Variants in EPHA6 observed in about 807,000 individuals in gnomAD.
The protein encoded by EPHA6 is EPH receptor A6, also known as ephrin type-A receptor 6.
A neutral mutation model predicts 112.0 loss-of-function variants in EPHA6; 50 were observed. That is an observed-to-expected ratio of 0.45 (90% CI 0.36 to 0.56). The LOEUF is 0.56. EPHA6 is among the 20% of genes least tolerant of loss of function. The pLI, the probability that EPHA6 is intolerant of heterozygous loss-of-function variation, is 0.00. For synonymous variants in EPHA6, 529 were observed against 490.7 expected, an observed-to-expected ratio of 1.08 and a Z score of -1.03; for missense variants, 1,280 against 1,417.4, an observed-to-expected ratio of 0.90 and a Z score of 1.56.
chr3:97,535,167 CAGT>C (rs2092746285), intron 11 of EPHA6, among the ~76,000 whole-genome samples: 1 of 151,912 alleles, frequency 6.6e-6, no homozygotes, highest in Non-Finnish European at 1.5e-5. Context: ...ACTTGCCTGC[CAGT>C]TTGAAATAGT....
intron 2 of EPHA6, among the ~76,000 whole-genome samples, chr3:96,880,802 C>A (rs986049884): frequency 6.6e-6 from 1 of 152,014 alleles, no homozygotes; most frequent in African/African-American, 2.4e-5. Flanking sequence ...CTTTTTGTGT[C>A]TGGCTTCTTT....
At chr3:97,241,092 A>C in intron 4 of EPHA6, among the ~76,000 whole-genome samples, 1 of 151,810 alleles carries the variant, frequency 6.6e-6, no homozygotes, top group South Asian at 2.1e-4. Flanking sequence ...GTATCTCGTA[A>C]GTTTTACTGG....
At chr3:97,174,673 C>T (rs2076787650) in intron 3 of EPHA6, among the ~76,000 whole-genome samples, 1 of 151,734 alleles carries the variant, frequency 6.6e-6, no homozygotes, top group Non-Finnish European at 1.5e-5. Flanking sequence ...AGTGTCTATA[C>T]CTGTTTGCCA....
At chr3:97,079,422 G>A (rs1459673256) in intron 3 of EPHA6, among the ~76,000 whole-genome samples, 1 of 151,992 alleles carries the variant, frequency 6.6e-6, no homozygotes, top group African/African-American at 2.4e-5. Flanking sequence ...CACATTGAGG[G>A]GAACAAAACA....
intron 14 of EPHA6, among the ~76,000 whole-genome samples, chr3:97,687,590 G>T (rs2032348779): frequency 6.6e-6 from 1 of 152,100 alleles, no homozygotes; most frequent in Non-Finnish European, 1.5e-5. Context: ...TTTCCTTTCT[G>T]GGCATGAAGT....
chr3:97,315,528 G>A (rs2081783636), intron 5 of EPHA6, among the ~76,000 whole-genome samples: 1 of 151,682 alleles, frequency 6.6e-6, no homozygotes, highest in Non-Finnish European at 1.5e-5. Flanking sequence ...TGATAGACAA[G>A]GGGAAGAAGT....
At chr3:97,287,438 G>A (rs1374318213) in intron 5 of EPHA6, among the ~76,000 whole-genome samples, 1 of 151,372 alleles carries the variant, frequency 6.6e-6, no homozygotes, top group Non-Finnish European at 1.5e-5. Flanking sequence ...GCACTCCAGC[G>A]TGGGCAGCAG....
chr3:96,922,368 A>G (rs1278559969), intron 2 of EPHA6, among the ~76,000 whole-genome samples: 1 of 152,202 alleles, frequency 6.6e-6, no homozygotes, highest in Non-Finnish European at 1.5e-5. Flanking sequence ...ATTGAGGGAA[A>G]GAACTGTTCA....
intron 3 of EPHA6, among the ~76,000 whole-genome samples, chr3:97,133,889 A>C (rs1302357682): frequency 1.3e-5 from 2 of 152,164 alleles, no homozygotes; most frequent in East Asian, 3.9e-4. Flanking sequence ...TAAGTTTATC[A>C]ACATAATTCA....
intron 2 of EPHA6, among the ~76,000 whole-genome samples, chr3:96,869,290 G>T (rs1281711815): frequency 6.6e-6 from 1 of 151,216 alleles, no homozygotes; most frequent in Non-Finnish European, 1.5e-5. Context: ...GTTGTTCTGA[G>T]TAATGTTTTG....
At chr3:97,520,334 G>C (rs1282021532) in intron 10 of EPHA6, among the ~76,000 whole-genome samples, 1 of 151,976 alleles carries the variant, frequency 6.6e-6, no homozygotes, top group Non-Finnish European at 1.5e-5. Flanking sequence ...TTTTTCTGAT[G>C]GTAGATATCA....
chr3:97,657,733 G>C (rs144583739), intron 14 of EPHA6, among the ~76,000 whole-genome samples: 1 of 151,732 alleles, frequency 6.6e-6, no homozygotes, highest in Non-Finnish European at 1.5e-5. Flanking sequence ...AGTCACCAGA[G>C]ACACTTATTG....
chr3:97,702,786 A>T (rs1386760094), intron 14 of EPHA6, among the ~76,000 whole-genome samples: 1 of 152,066 alleles, frequency 6.6e-6, no homozygotes, highest in Non-Finnish European at 1.5e-5. Flanking sequence ...TACAGGTTAG[A>T]TTGTAAACTC....
At chr3:97,628,781 G>T (rs907970456) in intron 13 of EPHA6, among the ~76,000 whole-genome samples, 1 of 151,904 alleles carries the variant, frequency 6.6e-6, no homozygotes, top group African/African-American at 2.4e-5. Context: ...TATTAATAAT[G>T]AGAGCTGTAT....
chr3:97,645,810 T>C lies in EPHA6; in HGVS notation c.2784+7728T>C, dbSNP rs142704395. Among the ~76,000 whole-genome samples the C allele has an allele frequency of 5.0e-3, 765 of 152,288 alleles. 6 individuals carry two copies. Among genetic ancestry groups the C allele is most frequent in the African/African-American group, 0.017 (710 of 41,572 alleles). On this transcript the variant is annotated intron_variant, in intron 14 of 17. Transcript: ENST00000389672. Reference sequence around the variant, plus strand: ...CTATATATAACTTTCTTTGAACGTATATTTTACCTCAGATGATTTTGACTT... The same window carrying C: ...CTATATATAACTTTCTTTGAACGTACATTTTACCTCAGATGATTTTGACTT...
At chr3:96,977,315 T>C (rs1293190777) in intron 2 of EPHA6, among the ~76,000 whole-genome samples, 1 of 152,138 alleles carries the variant, frequency 6.6e-6, no homozygotes, top group Admixed American at 6.6e-5. Context: ...AGCTAAATAA[T>C]GTGCACACAT....
intron 1 of EPHA6, among the ~76,000 whole-genome samples, chr3:96,863,802 G>A (rs1227921734): frequency 1.3e-5 from 2 of 151,914 alleles, no homozygotes; most frequent in Non-Finnish European, 2.9e-5. Flanking sequence ...CTTATAAAAA[G>A]GAAATAGCTG....
chr3:96,837,651 T>C (rs753031538), intron 1 of EPHA6, among the ~76,000 whole-genome samples: 3 of 152,156 alleles, frequency 2.0e-5, no homozygotes, highest in Non-Finnish European at 4.4e-5. Flanking sequence ...ACGATGTCTT[T>C]AATACCTTTA....
At chr3:97,474,056 T>G (rs1481753530) in intron 7 of EPHA6, among the ~76,000 whole-genome samples, 1 of 151,862 alleles carries the variant, frequency 6.6e-6, no homozygotes, top group Non-Finnish European at 1.5e-5. Flanking sequence ...GGTTTCTTAC[T>G]GACTTGACAA....
Sources: allele counts gnomAD v4.1 joint callset (sites outside exome capture counted in the v4.1 genomes callset), GRCh38; gene constraint gnomAD v4.1.1; transcripts MANE v1.5; gene names NCBI Gene and HGNC (gene_info 2026-07-23, HGNC 2026-07-21).